TFDP2: variants seen among roughly 807,000 people sequenced by gnomAD.
TFDP2 encodes transcription factor Dp-2 (E2F dimerization partner 2).
A neutral mutation model predicts 59.3 loss-of-function variants in TFDP2; 17 were observed. That is an observed-to-expected ratio of 0.29 (90% CI 0.20 to 0.43). The LOEUF (loss-of-function observed/expected upper bound fraction) is 0.43, where lower values mean the gene tolerates loss of function less well. TFDP2 is among the 20% of genes least tolerant of loss of function. TFDP2 has a pLI of 1.00. For synonymous variants in TFDP2, 180 were observed against 194.7 expected, an observed-to-expected ratio of 0.92 and a Z score of 0.63; for missense variants, 391 against 528.8, an observed-to-expected ratio of 0.74 and a Z score of 2.56.
At chr3:142,051,370 C>T (rs1947617833) in intron 3 of TFDP2, among the ~76,000 whole-genome samples, 1 of 152,132 alleles carries the variant, frequency 6.6e-6, no homozygotes, top group Non-Finnish European at 1.5e-5. Flanking sequence ...GAAACCTCAT[C>T]TCTACTAAAA....
chr3:142,116,638 G>A (rs2108684139), intron 1 of TFDP2, among the ~76,000 whole-genome samples: 2 of 152,236 alleles, frequency 1.3e-5, no homozygotes, highest in East Asian at 3.9e-4. Flanking sequence ...ATTTTGTTAT[G>A]GTGGTCCTAG....
intron 3 of TFDP2, among the ~76,000 whole-genome samples, chr3:142,077,672 G>C (rs1353051211): frequency 6.6e-6 from 1 of 152,074 alleles, no homozygotes; most frequent in Non-Finnish European, 1.5e-5. Flanking sequence ...ATAATCAGTA[G>C]CAGTAGACAG....
intron 6 of TFDP2, among the ~76,000 whole-genome samples, chr3:141,979,237 C>T (rs528374556): frequency 6.6e-5 from 10 of 152,226 alleles, no homozygotes; most frequent in African/African-American, 2.4e-4. Context: ...GTGATGCTGG[C>T]AAACAAACCT....
intron 11 of TFDP2, among the ~76,000 whole-genome samples, chr3:141,955,878 G>A (rs774733638): frequency 2.0e-5 from 3 of 152,138 alleles, no homozygotes; most frequent in African/African-American, 7.2e-5. Flanking sequence ...TGCAATCTCC[G>A]TTCACTGCAA....
At chr3:142,138,650 T>C (rs148197025) in intron 1 of TFDP2, among the ~76,000 whole-genome samples, 3,727 of 152,236 alleles carry the variant, frequency 0.024, 171 homozygotes, top group African/African-American at 0.084. Flanking sequence ...CAGGAGGAGG[T>C]TGTTCAGTTT....
intron 1 of TFDP2, among the ~76,000 whole-genome samples, chr3:142,142,452 G>A (rs1282666436): frequency 1.3e-5 from 2 of 151,974 alleles, no homozygotes; most frequent in African/African-American, 4.8e-5. Context: ...AATTGAAGAG[G>A]ACACCAAAAA....
At chr3:142,020,025 T>A (rs570885872) in intron 3 of TFDP2, among the ~76,000 whole-genome samples, 2 of 152,320 alleles carry the variant, frequency 1.3e-5, no homozygotes, top group Non-Finnish European at 2.9e-5. Context: ...TGTAAAAGAC[T>A]ATCAATTAGC....
chr3:142,083,128 C>T (rs1354950094), intron 3 of TFDP2, among the ~76,000 whole-genome samples: 1 of 152,036 alleles, frequency 6.6e-6, no homozygotes, highest in Non-Finnish European at 1.5e-5. Context: ...CTAGATTCCA[C>T]AAAAAAACTA....
At chr3:142,020,504 C>T (rs1001192480) in intron 3 of TFDP2, among the ~76,000 whole-genome samples, 1 of 149,690 alleles carries the variant, frequency 6.7e-6, no homozygotes, top group Non-Finnish European at 1.5e-5. Context: ...CATTGCACTC[C>T]AGCCTGGGCA....
At chr3:142,105,357 A>C (rs1262970800) in intron 1 of TFDP2, among the ~76,000 whole-genome samples, 2 of 152,206 alleles carry the variant, frequency 1.3e-5, no homozygotes, top group African/African-American at 2.4e-5. Flanking sequence ...CCTTCCTCTC[A>C]GATGGGCTAA....
At chr3:141,964,364 G>A (rs1476698097) in intron 9 of TFDP2, among the ~76,000 whole-genome samples, 2 of 152,092 alleles carry the variant, frequency 1.3e-5, no homozygotes, top group Non-Finnish European at 2.9e-5. Flanking sequence ...ATAAAATCTC[G>A]AGGGAGGCTG....
At chr3:142,068,210 G>C (rs2060134052) in intron 3 of TFDP2, among the ~76,000 whole-genome samples, 2 of 152,010 alleles carry the variant, frequency 1.3e-5, no homozygotes, top group African/African-American at 4.8e-5. Flanking sequence ...GAGGCCAAAT[G>C]AACTGGATAT....
At chr3:142,147,549 G>C (rs982402264) in intron 1 of TFDP2, among the ~76,000 whole-genome samples, 3 of 152,194 alleles carry the variant, frequency 2.0e-5, no homozygotes, top group Non-Finnish European at 4.4e-5. Context: ...ATCACAAAAT[G>C]AGAATATGAA....
At chr3:142,038,298 G>T (rs1946783842) in intron 3 of TFDP2, among the ~76,000 whole-genome samples, 1 of 150,752 alleles carries the variant, frequency 6.6e-6, no homozygotes, top group Admixed American at 6.6e-5. Flanking sequence ...GCAAGAGAAT[G>T]GCGTGAACCC....
intron 3 of TFDP2, among the ~76,000 whole-genome samples, chr3:142,057,870 T>C (rs1009106641): frequency 6.6e-6 from 1 of 152,194 alleles, no homozygotes; most frequent in Non-Finnish European, 1.5e-5. Context: ...ATCCATACCA[T>C]CACAGAGTTT....
intron 11 of TFDP2, among the ~76,000 whole-genome samples, chr3:141,955,510 G>A (rs1224286890): frequency 3.3e-5 from 5 of 152,192 alleles, no homozygotes; most frequent in African/African-American, 1.2e-4. Context: ...GCTGGGTGGG[G>A]AGACGGAACA....
At chr3:141,973,185 T>C (rs1040326921) in intron 8 of TFDP2, among the ~76,000 whole-genome samples, 3 of 149,742 alleles carry the variant, frequency 2.0e-5, no homozygotes, top group Admixed American at 6.7e-5. Context: ...AATGGCACCA[T>C]CTCGGTTCAC....
intron 3 of TFDP2, among the ~76,000 whole-genome samples, chr3:142,089,012 AG>A (rs1224350486): frequency 6.6e-6 from 1 of 151,960 alleles, no homozygotes; most frequent in Non-Finnish European, 1.5e-5. Flanking sequence ...ATTTTTTAGT[AG>A]AGACAGGGTT....
intron 3 of TFDP2, among the ~76,000 whole-genome samples, chr3:142,089,823 T>G (rs1464043491): frequency 1.1e-4 from 17 of 151,832 alleles, no homozygotes; most frequent in Admixed American, 1.1e-3. Flanking sequence ...AAAAGGAAAA[T>G]AGACAACTAT....
Sources: gnomAD v4.1 joint callset for allele counts (sites outside exome capture counted in the v4.1 genomes callset) on GRCh38, gnomAD v4.1.1 for gene constraint, MANE v1.5 for transcripts, NCBI Gene and HGNC (gene_info 2026-07-23, HGNC 2026-07-21) for gene names.